GALNT7: variants seen among roughly 807,000 people sequenced by gnomAD.
GALNT7 encodes polypeptide N-acetylgalactosaminyltransferase 7.
Under a neutral mutation model 82.1 loss-of-function variants are expected in GALNT7, and 60 were observed. The ratio of observed to expected loss-of-function variants is 0.73; its 90% CI spans 0.59 to 0.91. GALNT7 has a LOEUF of 0.91. GALNT7 is among the 40% of genes least tolerant of loss of function. The pLI is 0.00. For synonymous variants in GALNT7, 243 were observed against 275.1 expected (o/e 0.88, Z 1.15); for missense variants, 660 against 804.2 (o/e 0.82, Z 2.17).
intron 2 of GALNT7, among the ~76,000 whole-genome samples, chr4:173,269,252 A>G (rs1735628988): frequency 6.6e-6 from 1 of 152,162 alleles, no homozygotes; most frequent in Non-Finnish European, 1.5e-5. Context: ...AAAGCATCAA[A>G]TTTTGTTTTT....
At chr4:173,183,717 C>T (rs1428355579) in intron 1 of GALNT7, among the ~76,000 whole-genome samples, 11 of 150,804 alleles carry the variant, frequency 7.3e-5, no homozygotes, top group Admixed American at 6.6e-5. Flanking sequence ...ACCTCCCAGA[C>T]GGGGCGGCGG....
At chr4:173,240,433 A>G (rs1734390610) in intron 1 of GALNT7, among the ~76,000 whole-genome samples, 1 of 146,380 alleles carries the variant, frequency 6.8e-6, no homozygotes, top group African/African-American at 2.6e-5. Flanking sequence ...CAATGGCACA[A>G]TCTCAGCTCA....
chr4:173,249,783 T>C (rs1443457893), intron 2 of GALNT7, among the ~76,000 whole-genome samples: 12 of 152,224 alleles, frequency 7.9e-5, no homozygotes, highest in Non-Finnish European at 4.4e-5. Context: ...GTGTTTTATC[T>C]GGCAGTCTTA....
At chr4:173,170,383 T>C (rs947936499) in intron 1 of GALNT7, among the ~76,000 whole-genome samples, 7 of 152,352 alleles carry the variant, frequency 4.6e-5, no homozygotes, top group Admixed American at 6.5e-5. Flanking sequence ...GCAAAAAGGC[T>C]TGTGGCGTCC....
chr4:173,301,786 C>T (rs1000911431), intron 6 of GALNT7, among the ~76,000 whole-genome samples: 2 of 152,154 alleles, frequency 1.3e-5, no homozygotes, highest in African/African-American at 4.8e-5. Context: ...GGTACCAAGG[C>T]GCCCTCTAAT....
chr4:173,306,893 T>C (rs2126856314), intron 8 of GALNT7, among the ~76,000 whole-genome samples: 1 of 152,344 alleles, frequency 6.6e-6, no homozygotes, highest in African/African-American at 2.4e-5. Flanking sequence ...CCTGTGCATT[T>C]TGTGGACCAG....
chr4:173,204,794 A>G lies in GALNT7; in HGVS notation c.126+35833A>G, dbSNP rs144202062. On this transcript the variant is annotated intron_variant, in intron 1 of 11. Coordinates refer to ENST00000265000, the MANE Select transcript of GALNT7 (RefSeq NM_017423.3). ...TTGAATTCTGTGTCAGACAGTTCAT[A>G]TATCTCCATTTTGGCAGGGGGCAGC... Among the ~76,000 whole-genome samples the G allele has an allele frequency of 4.0e-3, 608 of 152,330 alleles. 7 individuals are homozygous for G. The highest frequency in any genetic ancestry group is 0.014 in the African/African-American group (573 of 41,578).
chr4:173,246,914 G>A (rs1734656338), intron 1 of GALNT7, among the ~76,000 whole-genome samples: 1 of 152,068 alleles, frequency 6.6e-6, no homozygotes, highest in Non-Finnish European at 1.5e-5. Context: ...TATTCTGTAT[G>A]CACCTTGCCT....
chr4:173,268,675 C>T (rs1218232551), intron 2 of GALNT7, among the ~76,000 whole-genome samples: 4 of 150,598 alleles, frequency 2.7e-5, no homozygotes, highest in African/African-American at 9.8e-5. Flanking sequence ...GGACTACAGG[C>T]GTCCACCACC....
intron 3 of GALNT7, among the ~76,000 whole-genome samples, chr4:173,293,904 C>A (rs142884659): frequency 3.3e-5 from 5 of 152,296 alleles, no homozygotes; most frequent in Non-Finnish European, 4.4e-5. Context: ...TGCTTCTATG[C>A]GTGTGACTGA....
intron 2 of GALNT7, among the ~76,000 whole-genome samples, chr4:173,286,502 C>G (rs1343365758): frequency 1.3e-5 from 2 of 152,226 alleles, no homozygotes; most frequent in African/African-American, 4.8e-5. Context: ...CAGCCTTTAG[C>G]CACCAAGTTA....
intron 1 of GALNT7, among the ~76,000 whole-genome samples, chr4:173,235,707 C>G (rs1734202359): frequency 6.6e-6 from 1 of 152,122 alleles, no homozygotes; most frequent in Admixed American, 6.5e-5. Context: ...AGGCACCCAC[C>G]ACCACGCCCA....
intron 3 of GALNT7, among the ~76,000 whole-genome samples, chr4:173,293,380 G>C (rs1736608530): frequency 1.3e-5 from 2 of 151,936 alleles, no homozygotes; most frequent in Admixed American, 6.6e-5. Context: ...GGCTACCCTT[G>C]AATGAAAGTA....
chr4:173,318,395 G>A lies in GALNT7; in HGVS notation c.1708-36G>A, dbSNP rs755987672. 57 of 1,555,626 alleles carry A rather than the reference G, an allele frequency of 3.7e-5. No homozygotes were observed. In the South Asian group the frequency reaches 6.1e-4, roughly 17 times the overall value. On this transcript the variant is annotated intron_variant, in intron 10 of 11. Transcript: ENST00000265000. The stretch of plus-strand genomic sequence containing the variant: ...TCAAATGCACATCAGCAGGGAAGGT[G>A]CCTCTGTTACTTAATTCTCTCTTTT...
At chr4:173,225,682 T>C (rs959651691) in intron 1 of GALNT7, among the ~76,000 whole-genome samples, 1 of 152,248 alleles carries the variant, frequency 6.6e-6, no homozygotes, top group Non-Finnish European at 1.5e-5. Context: ...CTCTGCTTAA[T>C]GAGCTACTTT....
At chr4:173,303,278 C>A (rs893849096) in intron 7 of GALNT7, among the ~76,000 whole-genome samples, 1 of 151,608 alleles carries the variant, frequency 6.6e-6, no homozygotes, top group Non-Finnish European at 1.5e-5. Context: ...TGTTAGTAAG[C>A]ACAGATAAGG....
At chr4:173,211,136 A>G (rs1733271653) in intron 1 of GALNT7, among the ~76,000 whole-genome samples, 1 of 152,186 alleles carries the variant, frequency 6.6e-6, no homozygotes, top group African/African-American at 2.4e-5. Flanking sequence ...ATATGAAATC[A>G]CTTTACCTCC....
intron 1 of GALNT7, among the ~76,000 whole-genome samples, chr4:173,183,674 C>A (rs1453694002): frequency 6.6e-6 from 1 of 152,138 alleles, no homozygotes; most frequent in Non-Finnish European, 1.5e-5. Flanking sequence ...GGTACACCTC[C>A]CAGACGGGGC....
chr4:173,287,410 G>T (rs1736363743), intron 2 of GALNT7, among the ~76,000 whole-genome samples: 1 of 152,250 alleles, frequency 6.6e-6, no homozygotes, highest in South Asian at 2.1e-4. Flanking sequence ...GTTGGGGCTT[G>T]CCCCGAGTGA....
Sources: allele counts gnomAD v4.1 joint callset (sites outside exome capture counted in the v4.1 genomes callset), GRCh38; gene constraint gnomAD v4.1.1; transcripts MANE v1.5; gene names NCBI Gene and HGNC (gene_info 2026-07-23, HGNC 2026-07-21).